The following KBTBD3 variants were observed in gnomAD, a reference collection of about 807,000 sequenced individuals.
The protein encoded by KBTBD3 is kelch repeat and BTB domain containing 3.
A neutral mutation model predicts 49.6 loss-of-function variants in KBTBD3; 38 were observed. That is an observed-to-expected ratio of 0.77 (90% CI 0.59 to 1.00). The LOEUF is 1.00. Among genes scored for constraint, KBTBD3 ranks in the 50% least tolerant of loss-of-function variants. KBTBD3 has a pLI of 0.00. For synonymous variants in KBTBD3, 214 were observed against 250.4 expected (o/e 0.85, Z 1.37); for missense variants, 661 against 712.0 (o/e 0.93, Z 0.81).
At chr11:106,070,232 GA>G (rs1385939334) in intron 2 of KBTBD3, among the ~76,000 whole-genome samples, 1 of 151,656 alleles carries the variant, frequency 6.6e-6, no homozygotes, top group Non-Finnish European at 1.5e-5. Flanking sequence ...ACACATAAAT[GA>G]AAAAAATTAA....
chr11:106,053,580 G>A lies in KBTBD3; in HGVS notation c.1109C>T (p.Thr370Ile). ...LHIAESYHDATDQTWCYCPVK... is the reference protein window; with the variant it reads ...LHIAESYHDAIDQTWCYCPVK... ...TGGACAGTAGCACCAGGTTTGATCA[G>A]TGGCATCATGATATGACTCGGCAAT... Residue 370 changes from threonine (T) to isoleucine (I), a missense_variant, in exon 4 of 4, where the codon ACT becomes ATT. Physicochemically the swap from Thr to Ile is moderately conservative, Grantham distance 89. Coordinates refer to ENST00000531837, the MANE Select transcript of KBTBD3 (RefSeq NM_198439.3). 6.2e-7 allele frequency: 1 copy of A among 1,613,840 alleles called. No individual in the cohort carries two copies. The highest frequency in any genetic ancestry group is 1.1e-5 in the South Asian group (1 of 91,074).
chr11:106,054,859 G>C (rs910875419), intron 3 of KBTBD3, among the ~76,000 whole-genome samples: 1 of 151,992 alleles, frequency 6.6e-6, no homozygotes, highest in Non-Finnish European at 1.5e-5. Context: ...TAGGGCTTAG[G>C]ATTTAAAAGT....
rs116548811 is a variant in KBTBD3 at position 106,051,648 on chromosome 11, G to C, written c.*1202C>G. 6.6e-6 allele frequency: 1 copy of C among 151,922 alleles called. No homozygotes were observed. The highest frequency in any genetic ancestry group is 2.4e-5 in the African/African-American group (1 of 41,526). 9.4% of individuals were successfully genotyped at this position (151,922 alleles called of 1,614,324 possible). On this transcript the variant is annotated 3_prime_UTR_variant, in exon 4 of 4. Coordinates refer to ENST00000531837, the MANE Select transcript of KBTBD3 (RefSeq NM_198439.3). ...GCCTTTATCTTTTAAACTGATTAAA[G>C]AAACATATACTCTTGGAAGGCAGAA... is the stretch of plus-strand genomic sequence containing the variant.
intron 3 of KBTBD3, among the ~76,000 whole-genome samples, chr11:106,054,993 G>C (rs1382266674): frequency 6.6e-6 from 1 of 151,972 alleles, no homozygotes; most frequent in Non-Finnish European, 1.5e-5. Flanking sequence ...TGTCTAAAAA[G>C]ATATTTTATA....
In KBTBD3 at chr11:106,053,996, T is replaced by A. The variant is rs754831714; in HGVS notation, c.693A>T (p.Gln231His). The A allele has an allele frequency of 6.2e-7, 1 of 1,613,842 alleles. No homozygotes were observed. The highest frequency in any genetic ancestry group is 2.2e-5 in the East Asian group (1 of 44,864). ...TTTCAATCAAATGAGGCAGATACTT[T>A]TGCCTTGATTCTAAGTTATGTTTAG... ...SWTKHNLESRQKYLPHLIEKV... is the reference protein window; with the variant it reads ...SWTKHNLESRHKYLPHLIEKV... Residue 231 changes from glutamine to histidine, a missense_variant, in exon 4 of 4, where the codon CAA (glutamine) becomes CAT (histidine). Coordinates refer to ENST00000531837, the MANE Select transcript of KBTBD3 (RefSeq NM_198439.3).
Position 106,054,469 on chromosome 11 carries a change from G to A in KBTBD3, c.234-14C>T. ...TCAAACATAGCCCTGCAAAAATAAAGAACACAGAAAAACAGCAAGAATATT... is the reference window on the plus strand; with the variant it reads ...TCAAACATAGCCCTGCAAAAATAAAAAACACAGAAAAACAGCAAGAATATT... On this transcript the variant is annotated splice_polypyrimidine_tract_variant and intron_variant, in intron 3 of 3. Transcript: ENST00000531837. 6.8e-7 allele frequency: 1 copy of A among 1,476,940 alleles called. No individual in the cohort carries two copies. Among genetic ancestry groups the A allele is most frequent in the Non-Finnish European group, 9.0e-7 (1 of 1,111,400 alleles). 91.5% of individuals were successfully genotyped at this position (1,476,940 alleles called of 1,614,324 possible).
At chr11:106,060,075 C>T (rs1345221082) in intron 2 of KBTBD3, among the ~76,000 whole-genome samples, 1 of 152,088 alleles carries the variant, frequency 6.6e-6, no homozygotes, top group East Asian at 1.9e-4. Flanking sequence ...GTTACATGTC[C>T]AGTATGGTTT....
At chr11:106,061,644 G>T (rs1341622532) in intron 2 of KBTBD3, among the ~76,000 whole-genome samples, 1 of 151,894 alleles carries the variant, frequency 6.6e-6, no homozygotes, top group Non-Finnish European at 1.5e-5. Flanking sequence ...CTTTCTGCCT[G>T]ACTTCAAGCT....
Position 106,053,129 on chromosome 11 carries a change from C to A in KBTBD3, c.1560G>T (p.Lys520Asn). The A allele has an allele frequency of 1.2e-6, 2 of 1,613,584 alleles. No homozygotes were observed. The highest frequency in any genetic ancestry group is 1.7e-6 in the Non-Finnish European group (2 of 1,179,778). Residue 520 changes from lysine (K) to asparagine (N), a missense_variant, in exon 4 of 4, where the codon AAG (lysine) becomes AAT (asparagine). Transcript: ENST00000531837. Reference protein sequence around the residue: ...TLYICDLSTYKVYSFCPDTCV... With the variant: ...TLYICDLSTYNVYSFCPDTCV... ...AAGTGTCTGGACAAAAACTATAAAC[C>A]TTATAGGTGGAAAGGTCACATATAT...
At position 106,053,055 on chromosome 11, in the gene KBTBD3, C is replaced by T. The variant is rs1158789203; in HGVS notation, c.1634G>A (p.Gly545Asp). 20 of 1,613,450 alleles carry T rather than the reference C, an allele frequency of 1.2e-5. No individual in the cohort carries two copies. The highest frequency in any genetic ancestry group is 1.7e-5 in the Non-Finnish European group (20 of 1,179,692). The change falls in exon 4 of 4, where the codon GGT becomes GAT. Residue 545 changes from glycine to aspartate, a missense_variant. Coordinates refer to ENST00000531837, the MANE Select transcript of KBTBD3 (RefSeq NM_198439.3). ...AATTTTATCTTCAATTCCAATTGCA[C>T]CTGCATTAAAGCCTGCACACTCAAA... The part of the protein sequence containing the change: ...GSFECAGFNA[G>D]AIGIEDKIYI...
chr11:106,065,869 G>C (rs1860800294), intron 2 of KBTBD3, among the ~76,000 whole-genome samples: 1 of 150,434 alleles, frequency 6.6e-6, no homozygotes, highest in African/African-American at 2.5e-5. Flanking sequence ...GCTCAGGCAG[G>C]AGAATCGCTT....
chr11:106,074,945 G>A (rs1001457802), intron 2 of KBTBD3, among the ~76,000 whole-genome samples: 2 of 152,172 alleles, frequency 1.3e-5, no homozygotes, highest in African/African-American at 4.8e-5. Context: ...GTAGAATAAA[G>A]TTTGTGACCC....
At position 106,058,228 on chromosome 11, in the gene KBTBD3, CA is replaced by C. The variant is rs548227392; in HGVS notation, c.233+636del. Among the ~76,000 whole-genome samples, 36 of 151,800 alleles carry C rather than the reference CA, an allele frequency of 2.4e-4. 1 individual carries two copies. In the South Asian group the frequency reaches 7.5e-3, roughly 32 times the overall value. On this transcript the variant is annotated intron_variant, in intron 3 of 3. Transcript: ENST00000531837. Reference sequence around the variant, plus strand: ...TGAAACCCCGTCTCTACTAAAAATACAAAAAATTAGCCGGGTGTGGTGGCGG... The same window carrying C: ...TGAAACCCCGTCTCTACTAAAAATACAAAAATTAGCCGGGTGTGGTGGCGG...
At chr11:106,068,533 T>G (rs1449759501) in intron 2 of KBTBD3, among the ~76,000 whole-genome samples, 1 of 152,138 alleles carries the variant, frequency 6.6e-6, no homozygotes, top group African/African-American at 2.4e-5. Context: ...AGTGCTTACA[T>G]TACTACAACT....
At chr11:106,061,225 G>C (rs1860688014) in intron 2 of KBTBD3, among the ~76,000 whole-genome samples, 1 of 152,238 alleles carries the variant, frequency 6.6e-6, no homozygotes, top group Admixed American at 6.5e-5. Context: ...GTGGAAGCTA[G>C]ATACTGGAGA....
At chr11:106,065,200 G>T (rs1403263116) in intron 2 of KBTBD3, among the ~76,000 whole-genome samples, 1 of 152,164 alleles carries the variant, frequency 6.6e-6, no homozygotes, top group Non-Finnish European at 1.5e-5. Flanking sequence ...TAGAGACGGG[G>T]TTTCACCATG....
At chr11:106,062,433 C>T (rs1860720481) in intron 2 of KBTBD3, among the ~76,000 whole-genome samples, 1 of 152,132 alleles carries the variant, frequency 6.6e-6, no homozygotes, top group Non-Finnish European at 1.5e-5. Flanking sequence ...AGTACAGTTT[C>T]AGTACAAGTG....
chr11:106,065,951 A>C (rs976220351), intron 2 of KBTBD3, among the ~76,000 whole-genome samples: 13 of 93,546 alleles, frequency 1.4e-4, no homozygotes, highest in Non-Finnish European at 6.6e-5. Flanking sequence ...ACAGAGCAAG[A>C]CTGTCTCAAA....
At chr11:106,068,197 A>G (rs1214228357) in intron 2 of KBTBD3, among the ~76,000 whole-genome samples, 1 of 152,214 alleles carries the variant, frequency 6.6e-6, no homozygotes, top group Non-Finnish European at 1.5e-5. Flanking sequence ...AGAACTAGAC[A>G]AGAAGTCAGT....
Sources: allele counts gnomAD v4.1 joint callset (sites outside exome capture counted in the v4.1 genomes callset), GRCh38; gene constraint gnomAD v4.1.1; transcripts MANE v1.5; gene names NCBI Gene and HGNC (gene_info 2026-07-23, HGNC 2026-07-21).